The following PRKAR1A variants were observed in gnomAD, a reference collection of about 807,000 sequenced individuals.
The protein encoded by PRKAR1A is cAMP-dependent protein kinase type I-alpha regulatory subunit.
In PRKAR1A, 3 loss-of-function variants were observed where a neutral mutation model predicts 52.0. That is an observed-to-expected ratio of 0.06 (90% CI 0.03 to 0.15). The LOEUF is 0.15. Ranked by LOEUF, PRKAR1A falls within the 10% of genes least tolerant of loss-of-function variation. The pLI is 1.00. For synonymous variants in PRKAR1A, 188 were observed against 168.4 expected (o/e 1.12, Z -0.90); for missense variants, 240 against 477.4 (o/e 0.50, Z 4.63).
the PRKAR1A span, among the ~76,000 whole-genome samples, chr17:68,503,279 G>T: frequency 1.3e-5 from 2 of 152,158 alleles, no homozygotes; most frequent in East Asian, 3.9e-4. Context: ...GATGGTACAG[G>T]GTACACCTAC....
the PRKAR1A span, among the ~76,000 whole-genome samples, chr17:68,435,284 A>G: frequency 6.6e-6 from 1 of 152,124 alleles, no homozygotes; most frequent in African/African-American, 2.4e-5. Context: ...CTAAATAGCA[A>G]AGTAAAGCAT....
intron 11 of PRKAR1A, among the ~76,000 whole-genome samples, chr17:68,548,281 G>T (rs2086660093): frequency 6.6e-6 from 1 of 151,976 alleles, no homozygotes; most frequent in Admixed American, 6.6e-5. Context: ...TATAATCCCA[G>T]CACTTTGGGA....
At chr17:68,445,534 C>T in the PRKAR1A span, among the ~76,000 whole-genome samples, 238 of 152,276 alleles carry the variant, frequency 1.6e-3, no homozygotes, top group African/African-American at 5.5e-3. Flanking sequence ...CAGTGCCCCA[C>T]GTCCCCACTG....
the PRKAR1A span, among the ~76,000 whole-genome samples, chr17:68,503,624 T>C: frequency 6.6e-6 from 1 of 152,212 alleles, no homozygotes; most frequent in African/African-American, 2.4e-5. Flanking sequence ...CTATGTGGCA[T>C]TCTGCAAAAA....
chr17:68,480,667 C>A, the PRKAR1A span, among the ~76,000 whole-genome samples: 1 of 152,208 alleles, frequency 6.6e-6, no homozygotes, highest in Non-Finnish European at 1.5e-5. Context: ...CCTGCCTCAG[C>A]CTCCTGAGTA....
At chr17:68,495,629 C>A in the PRKAR1A span, among the ~76,000 whole-genome samples, 1 of 152,182 alleles carries the variant, frequency 6.6e-6, no homozygotes, top group African/African-American at 2.4e-5. Flanking sequence ...TCTTATTATA[C>A]TCATTTACTC....
the PRKAR1A span, among the ~76,000 whole-genome samples, chr17:68,437,016 A>ATGTG: frequency 2.0e-4 from 29 of 144,662 alleles, no homozygotes; most frequent in Middle Eastern, 3.5e-3. Context: ...ATATATATAT[A>ATGTG]TGTGTGTGTG....
At chr17:68,452,225 G>T in the PRKAR1A span, among the ~76,000 whole-genome samples, 299 of 152,274 alleles carry the variant, frequency 2.0e-3, 1 homozygote, top group Admixed American at 4.6e-3. Context: ...TTCCAAAACT[G>T]AATCAATGTT....
At chr17:68,510,155 T>TAGAGAGAGAGAGAG (rs1373007194), upstream of PRKAR1A, among the ~76,000 whole-genome samples, 2 of 74,374 alleles carry the variant, frequency 2.7e-5, no homozygotes, top group African/African-American at 4.4e-5. Flanking sequence ...TATATATATG[T>TAGAGAGAGAGAGAG]AGACAGAGAG....
At chr17:68,433,416 A>T in the PRKAR1A span, 1 of 1,495,502 alleles carries the variant, frequency 6.7e-7, no homozygotes, top group Non-Finnish European at 9.3e-7. Flanking sequence ...AGAAGAGCCT[A>T]GGCCTGACTC....
chr17:68,465,625 A>ATTTTTTTTT, the PRKAR1A span, among the ~76,000 whole-genome samples: 182 of 67,182 alleles, frequency 2.7e-3, 28 homozygotes, highest in South Asian at 9.1e-3. Context: ...ACGCCCAGCA[A>ATTTTTTTTT]TTTTTTTTTT....
At chr17:68,437,006 A>ATGTGTGTG in the PRKAR1A span, among the ~76,000 whole-genome samples, 3 of 68,784 alleles carry the variant, frequency 4.4e-5, no homozygotes, top group African/African-American at 1.6e-4. Context: ...AAAAAAAAAA[A>ATGTGTGTG]TATATATATA....
intron 9 of PRKAR1A, 81 bp downstream of exon 9, chr17:68,529,072 A>T (rs2085883496): frequency 6.5e-7 from 1 of 1,542,620 alleles, no homozygotes; most frequent in African/African-American, 1.4e-5. Flanking sequence ...GTACGCTCTA[A>T]GAGGGAAAGA....
the PRKAR1A span, among the ~76,000 whole-genome samples, chr17:68,499,609 A>G: frequency 6.6e-6 from 1 of 152,226 alleles, no homozygotes; most frequent in Non-Finnish European, 1.5e-5. Flanking sequence ...TTGCATGTAA[A>G]ATGTTTATTT....
At chr17:68,437,931 AAG>A in the PRKAR1A span, among the ~76,000 whole-genome samples, 358 of 135,784 alleles carry the variant, frequency 2.6e-3, 6 homozygotes, top group African/African-American at 9.4e-3. Flanking sequence ...GAGATCACGC[AAG>A]AGAGACATCT....
At chr17:68,427,583 C>G in the PRKAR1A span, 1 of 190,796 alleles carries the variant, frequency 5.2e-6, no homozygotes, top group Admixed American at 5.8e-5. Flanking sequence ...TCTCGAACTC[C>G]TGACCTCAGG....
At chr17:68,533,561 C>T, downstream of PRKAR1A, 1 of 433,608 alleles carries the variant, frequency 2.3e-6, no homozygotes, top group African/African-American at 2.1e-5. Context: ...AGTAGCATGT[C>T]AGTTTTCTTC....
the PRKAR1A span, chr17:68,426,253 G>GGGGGCCCCC: frequency 1.2e-6 from 1 of 841,018 alleles, no homozygotes; most frequent in East Asian, 3.4e-5. Context: ...GGGGAGCGGG[G>GGGGGCCCCC]GCTCAAATAA....
rs767937127 is a variant in PRKAR1A at position 68,532,820 on chromosome 17, C to G, written c.*2371C>G. ...CCTTTCCGTCTTTCCTCTCTCTGTC[C>G]TTCCCCGAAAGTCTACTCGGGTGGG... is the stretch of plus-strand genomic sequence containing the variant. On this transcript the variant is annotated 3_prime_UTR_variant, in exon 11 of 11. Coordinates refer to ENST00000589228, the MANE Select transcript of PRKAR1A (RefSeq NM_002734.5). 70 of 1,066,250 alleles carry G rather than the reference C, an allele frequency of 6.6e-5. No homozygotes were observed. The highest frequency in any genetic ancestry group is 7.5e-5 in the Non-Finnish European group (66 of 879,764). The allele number at this position is 1,066,250 out of a possible 1,614,324, so 66.0% of individuals were successfully genotyped here. A position where few individuals can be genotyped will look rare whatever the true frequency, so the allele number is the denominator to read the frequency against.
Sources: allele counts gnomAD v4.1 joint callset (sites outside exome capture counted in the v4.1 genomes callset), GRCh38; gene constraint gnomAD v4.1.1; transcripts MANE v1.5; gene names NCBI Gene and HGNC (gene_info 2026-07-23, HGNC 2026-07-21).